PRKN: variants seen among roughly 807,000 people sequenced by gnomAD.
PRKN encodes the protein parkin RBR E3 ubiquitin protein ligase.
PRKN carries 56 observed loss-of-function variants against 59.5 expected under a neutral mutation model. That is an observed-to-expected ratio of 0.94 (90% CI 0.76 to 1.18). The LOEUF is 1.18. Ranked by LOEUF, PRKN falls within the 50% of genes most tolerant of loss-of-function variation. PRKN has a pLI of 0.00. For missense variants in PRKN, 657 were observed against 596.4 expected (o/e 1.10, Z -1.06); for synonymous variants, 250 against 222.1 (o/e 1.13, Z -1.12).
chr6:162,088,328 G>A (rs950423230), intron 4 of PRKN, among the ~76,000 whole-genome samples: 21 of 152,248 alleles, frequency 1.4e-4, no homozygotes, highest in East Asian at 9.7e-4. Flanking sequence ...AGCAGTTACC[G>A]AGTTAATGGG....
chr6:162,230,932 A>G (rs746514036), intron 3 of PRKN, among the ~76,000 whole-genome samples: 17 of 152,328 alleles, frequency 1.1e-4, no homozygotes, highest in Non-Finnish European at 1.8e-4. Context: ...AAAATATTTC[A>G]AAGTAACATC....
At chr6:161,974,244 A>G (rs1292283249) in intron 5 of PRKN, among the ~76,000 whole-genome samples, 1 of 152,040 alleles carries the variant, frequency 6.6e-6, no homozygotes, top group Non-Finnish European at 1.5e-5. Context: ...CACCCCACTA[A>G]ATTCCAGCCG....
At chr6:161,626,726 G>A (rs1783104740) in intron 7 of PRKN, among the ~76,000 whole-genome samples, 1 of 152,176 alleles carries the variant, frequency 6.6e-6, no homozygotes. Flanking sequence ...AGTGGGTTAG[G>A]GAACCGGGCC....
intron 1 of PRKN, among the ~76,000 whole-genome samples, chr6:162,576,395 C>T (rs1780556460): frequency 6.6e-6 from 1 of 152,210 alleles, no homozygotes; most frequent in Admixed American, 6.5e-5. Context: ...ATCAACGCTG[C>T]ATTACCACTA....
chr6:161,785,949 G>A (rs1201644439), intron 6 of PRKN, 41 bp from the exon 7 acceptor site: 1 of 1,610,654 alleles, frequency 6.2e-7, no homozygotes, highest in Admixed American at 1.7e-5. Context: ...GTACCTGTCA[G>A]TGTGGAAAGG....
rs982521142 is a variant in PRKN, at chr6:161,357,981, G to C, written c.1285+2107C>G. ...GTCCTAACTCCTGCAACACTGCAGT[G>C]CCGGGCTGTGTGAAGCTTTACCACC... On this transcript the variant is annotated intron_variant, in intron 11 of 11. Transcript: ENST00000366898. The surrounding 1 kb of genome is among the most constrained non-coding windows in gnomAD (Gnocchi z 5.5). Among the ~76,000 whole-genome samples the C allele has an allele frequency of 1.3e-5, 2 of 152,232 alleles. No homozygotes were observed. The highest frequency in any genetic ancestry group is 6.5e-5 in the Admixed American group (1 of 15,282).
chr6:162,644,436 C>T (rs1318511440), intron 1 of PRKN, among the ~76,000 whole-genome samples: 1 of 152,172 alleles, frequency 6.6e-6, no homozygotes, highest in Admixed American at 6.5e-5. Context: ...TGATCACCAT[C>T]ACTGGAGCCA....
intron 9 of PRKN, among the ~76,000 whole-genome samples, chr6:161,512,217 T>C (rs893628090): frequency 2.0e-5 from 3 of 152,182 alleles, no homozygotes; most frequent in African/African-American, 7.2e-5. Flanking sequence ...CTCTAAAGCC[T>C]CTGACTGCTG....
intron 7 of PRKN, among the ~76,000 whole-genome samples, chr6:161,733,783 A>T (rs12523844): frequency 0.11 from 9,293 of 85,670 alleles, 449 homozygotes; most frequent in South Asian, 0.17. Flanking sequence ...AAAAAAAAAA[A>T]ATATATATAT....
In PRKN at chr6:162,433,094, T is replaced by A. The variant is rs117677318; in HGVS notation, c.171+10216A>T. Reference sequence around the variant, plus strand: ...CAATGTTTTAAAACAGAATAAATCGTGGGATGAATTTACTGCGCATTACAA... The same window carrying A: ...CAATGTTTTAAAACAGAATAAATCGAGGGATGAATTTACTGCGCATTACAA... On this transcript the variant is annotated intron_variant, in intron 2 of 11. Coordinates refer to ENST00000366898, the MANE Select transcript of PRKN (RefSeq NM_004562.3). 2.4e-4 allele frequency among the ~76,000 whole-genome samples: 36 copies of A among 152,314 alleles called. No homozygotes were observed. The East Asian group carries it at 6.6e-3, about 28-fold the overall frequency.
chr6:162,065,415 T>C (rs889103704), intron 4 of PRKN, among the ~76,000 whole-genome samples: 1 of 152,140 alleles, frequency 6.6e-6, no homozygotes, highest in African/African-American at 2.4e-5. Context: ...TTTGCTTTGT[T>C]CTAGCCATGG....
chr6:162,306,193 C>T (rs9347616), intron 2 of PRKN, among the ~76,000 whole-genome samples: 3 of 151,994 alleles, frequency 2.0e-5, no homozygotes, highest in African/African-American at 7.3e-5. Context: ...CCTAAATGAA[C>T]CCTAGTCTAC....
chr6:161,816,546 A>G (rs2128214939), intron 6 of PRKN, among the ~76,000 whole-genome samples: 1 of 152,278 alleles, frequency 6.6e-6, no homozygotes, highest in African/African-American at 2.4e-5. Context: ...ATGCACAGAA[A>G]AAAGGTTTAA....
chr6:161,844,395 T>C (rs988924076), intron 6 of PRKN, among the ~76,000 whole-genome samples: 2 of 152,172 alleles, frequency 1.3e-5, no homozygotes, highest in African/African-American at 2.4e-5. Context: ...ACAGCTAACA[T>C]TGAACCCTGT....
At chr6:161,724,519 C>T (rs1261236817) in intron 7 of PRKN, among the ~76,000 whole-genome samples, 1 of 152,126 alleles carries the variant, frequency 6.6e-6, no homozygotes, top group East Asian at 1.9e-4. Flanking sequence ...GTTACATTTG[C>T]AATTTCTGCT....
rs1230581604 is a variant in PRKN at position 161,356,355 on chromosome 6, G to A, written c.1285+3733C>T. On this transcript the variant is annotated intron_variant, in intron 11 of 11. Transcript: ENST00000366898. This position sits in a 1 kb window ranked among gnomAD's most constrained non-coding sequence, Gnocchi z 7.8. ...AAGGACAGGAAGGAGCCAGCCATGG[G>A]CAGTGACGACACAGAAGCGTCCTGG... Among the ~76,000 whole-genome samples the A allele has an allele frequency of 5.3e-5, 8 of 152,212 alleles. No individual in the cohort carries two copies. Among genetic ancestry groups the A allele is most frequent in the Non-Finnish European group, 1.2e-4 (8 of 68,044 alleles).
rs144722326 is a variant in PRKN at position 162,198,003 on chromosome 6, T to C, written c.534+3128A>G. The stretch of plus-strand genomic sequence containing the variant: ...CGAACATAGACAAGTAAGGACACTT[T>C]GGTAGAATGAAGGGCAGGAAGTGAA... On this transcript the variant is annotated intron_variant, in intron 4 of 11. Transcript: ENST00000366898. 3.4e-3 allele frequency among the ~76,000 whole-genome samples: 510 copies of C among 152,238 alleles called. 4 individuals carry two copies. Among genetic ancestry groups the C allele is most frequent in the African/African-American group, 0.012 (479 of 41,532 alleles).
intron 3 of PRKN, among the ~76,000 whole-genome samples, chr6:162,240,878 T>TA (rs1778959199): frequency 6.6e-6 from 1 of 152,214 alleles, no homozygotes; most frequent in Non-Finnish European, 1.5e-5. Context: ...TTCACTCATA[T>TA]ACACTGATAA....
In PRKN at chr6:161,548,917, C is replaced by G. The variant is rs757869529; in HGVS notation, c.1020G>C (p.Gly340=). Residue 340 remains glycine, a synonymous_variant, in exon 9 of 12, where the codon GGG becomes GGC. Transcript: ENST00000366898. This position sits in a 1 kb window ranked among gnomAD's most constrained non-coding sequence, Gnocchi z 4.2. ...TCCTCTGGTCAGGCTCCGGCAGCAG[C>G]CCCGCTCCACAGCCAGGGCGGGGGC... ...VLCPRPGCGA[G]LLPEPDQRKV... The G allele has an allele frequency of 6.2e-7, 1 of 1,614,194 alleles. No individual in the cohort carries two copies. The highest frequency in any genetic ancestry group is 1.1e-5 in the South Asian group (1 of 91,078).
Sources: allele counts gnomAD v4.1 joint callset (sites outside exome capture counted in the v4.1 genomes callset), GRCh38; gene constraint gnomAD v4.1.1; non-coding constraint Gnocchi (gnomAD v3.1); transcripts MANE v1.5; gene names NCBI Gene and HGNC (gene_info 2026-07-23, HGNC 2026-07-21).